PTH1R: variants seen among roughly 807,000 people sequenced by gnomAD.
The protein encoded by PTH1R is parathyroid hormone 1 receptor, also known as parathyroid hormone/parathyroid hormone-related peptide receptor.
In PTH1R, 32 loss-of-function variants were observed where a neutral mutation model predicts 70.7. That is an observed-to-expected ratio of 0.45 (90% confidence interval 0.34 to 0.61). PTH1R has a LOEUF of 0.61. Among genes scored for constraint, PTH1R ranks in the 20% least tolerant of loss-of-function variants. The pLI, the probability that PTH1R is intolerant of heterozygous loss-of-function variation, is 0.01. For synonymous variants in PTH1R, 329 were observed against 324.8 expected (o/e 1.01, Z -0.14); for missense variants, 626 against 792.5 (o/e 0.79, Z 2.52).
rs1446053756 is a variant in PTH1R at position 46,896,351 on chromosome 3, T to C, written c.313+482T>C. On this transcript the variant is annotated intron_variant, in intron 5 of 15. Coordinates refer to ENST00000449590, the MANE Select transcript of PTH1R (RefSeq NM_000316.3). This position sits in a 1 kb window ranked among gnomAD's most constrained non-coding sequence, Gnocchi z 4.1. ...GAGGTACATGGGGACACATAGTGGA[T>C]AGGGCCACAGAAATAGAGAAGGAGA... Among the ~76,000 whole-genome samples, 2 of 151,576 alleles carry C rather than the reference T, an allele frequency of 1.3e-5. No homozygotes were observed. Among genetic ancestry groups the C allele is most frequent in the Non-Finnish European group, 2.9e-5 (2 of 67,884 alleles).
rs186994693 is a variant in PTH1R at position 46,888,340 on chromosome 3, C to T, written c.75+4706C>T. On this transcript the variant is annotated intron_variant, in intron 3 of 15. Transcript: ENST00000449590. ...AACACATTCACCTCAGCTCTTGAAA[C>T]GGCTTATGGACAGAGCAGCAGGAGG... Among the ~76,000 whole-genome samples the T allele has an allele frequency of 1.4e-4, 21 of 152,344 alleles. No individual in the cohort carries two copies. The East Asian group carries it at 1.5e-3, about 11-fold the overall frequency.
intron 3 of PTH1R, among the ~76,000 whole-genome samples, chr3:46,889,815 T>C (rs2031288866): frequency 1.3e-5 from 2 of 152,044 alleles, no homozygotes; most frequent in Non-Finnish European, 2.9e-5. Flanking sequence ...AGTCCCTCAG[T>C]CCTCACCCCT....
chr3:46,878,030 G>C (rs1282969316), intron 1 of PTH1R, among the ~76,000 whole-genome samples, 187 bp downstream of exon 1: 1 of 152,228 alleles, frequency 6.6e-6, no homozygotes, highest in Non-Finnish European at 1.5e-5. Context: ...GAGGCCAGCA[G>C]GGACAGAAAG....
At chr3:46,887,239 G>GAA (rs11130107) in intron 3 of PTH1R, among the ~76,000 whole-genome samples, 110 of 147,976 alleles carry the variant, frequency 7.4e-4, no homozygotes, top group African/African-American at 2.5e-3. Flanking sequence ...CTGTAAAAAA[G>GAA]AAAAAAAAAA....
rs2030719805 is a variant in PTH1R at position 46,882,990 on chromosome 3, G to GC, written c.-48-517dup. ...GCACGCCCCGCGCGGCTCAGAACGC[G>GC]CCCCCTGCCCGGCCCTGACTCCCTA... On this transcript the variant is annotated intron_variant, in intron 2 of 15. Transcript: ENST00000449590. This position sits in a 1 kb window ranked among gnomAD's most constrained non-coding sequence, Gnocchi z 4.3. Among the ~76,000 whole-genome samples, 1 of 151,850 alleles carries GC rather than the reference G, an allele frequency of 6.6e-6. No homozygotes were observed. The highest frequency in any genetic ancestry group is 2.4e-5 in the African/African-American group (1 of 41,366).
At position 46,892,372 on chromosome 3, in the gene PTH1R, C is replaced by T. The variant is rs755982695; in HGVS notation, c.76-1535C>T. Among the ~76,000 whole-genome samples, 1 of 152,236 alleles carries T rather than the reference C, an allele frequency of 6.6e-6. No individual in the cohort carries two copies. Among genetic ancestry groups the T allele is most frequent in the Non-Finnish European group, 1.5e-5 (1 of 68,042 alleles). On this transcript the variant is annotated intron_variant, in intron 3 of 15. Transcript: ENST00000449590. The surrounding 1 kb of genome is among the most constrained non-coding windows in gnomAD (Gnocchi z 5.2). ...TGCATGCTCACAAACACGTCCGGCT[C>T]GCGTCCCATACTGACAGGCTGGACA...
chr3:46,896,190 C>A lies in PTH1R; in HGVS notation c.313+321C>A, dbSNP rs895992238. On this transcript the variant is annotated intron_variant, in intron 5 of 15. Coordinates refer to ENST00000449590, the MANE Select transcript of PTH1R (RefSeq NM_000316.3). This position sits in a 1 kb window ranked among gnomAD's most constrained non-coding sequence, Gnocchi z 4.1. Reference sequence around the variant, plus strand: ...GGACAGAGAGGCAGGGAGAGATACACAAAGACAGACAGATAGTGACAGAGA... The same window carrying A: ...GGACAGAGAGGCAGGGAGAGATACAAAAAGACAGACAGATAGTGACAGAGA... 9.1e-6 allele frequency among the ~76,000 whole-genome samples: 1 copy of A among 109,580 alleles called. No homozygotes were observed. The highest frequency in any genetic ancestry group is 2.7e-5 in the African/African-American group (1 of 37,332). 71.9% of individuals were successfully genotyped at this position (109,580 alleles called of 152,430 possible).
In PTH1R at chr3:46,901,276, C is replaced by T. The variant is rs1385390581; in HGVS notation, c.1050-138C>T. 3.9e-6 allele frequency: 5 copies of T among 1,277,714 alleles called. No individual in the cohort carries two copies. Among genetic ancestry groups the T allele is most frequent in the Non-Finnish European group, 5.5e-6 (5 of 904,628 alleles). 79.1% of individuals were successfully genotyped at this position (1,277,714 alleles called of 1,614,324 possible). The stretch of plus-strand genomic sequence containing the variant: ...CTTCCAAAGAGGCCTGTGAGGGAGG[C>T]CTCAGGCCTGGCCACACCCAGCACC... On this transcript the variant is annotated intron_variant, in intron 11 of 15. Coordinates refer to ENST00000449590, the MANE Select transcript of PTH1R (RefSeq NM_000316.3). The surrounding 1 kb of genome is among the most constrained non-coding windows in gnomAD (Gnocchi z 7.3).
chr3:46,897,733 A>C, intron 5 of PTH1R, 122 bp from the exon 6 acceptor site: 3 of 990,752 alleles, frequency 3.0e-6, no homozygotes, highest in Non-Finnish European at 4.6e-6. Context: ...CTCCGTCTCA[A>C]AAAAACAAAA....
rs1009143894 is a variant in PTH1R at position 46,884,569 on chromosome 3, C to T, written c.75+935C>T. ...TCCACAGCAACCCCATCCCCTGGGA[C>T]GAGCCCGTTCCTGGGGAGGCTGTCT... On this transcript the variant is annotated intron_variant, in intron 3 of 15. Coordinates refer to ENST00000449590, the MANE Select transcript of PTH1R (RefSeq NM_000316.3). This position sits in a 1 kb window ranked among gnomAD's most constrained non-coding sequence, Gnocchi z 4.8. Among the ~76,000 whole-genome samples, 1 of 152,156 alleles carries T rather than the reference C, an allele frequency of 6.6e-6. No homozygotes were observed. Among genetic ancestry groups the T allele is most frequent in the Non-Finnish European group, 1.5e-5 (1 of 68,020 alleles).
rs1159726036 is a variant in PTH1R, at chr3:46,882,618, C to A, written c.-48-894C>A. The stretch of plus-strand genomic sequence containing the variant: ...GGGGAGTCGCCAGCCCCGCGCCGCT[C>A]GGCTCGGTGGCTTTTTTGGAAACTT... On this transcript the variant is annotated intron_variant, in intron 2 of 15. Coordinates refer to ENST00000449590, the MANE Select transcript of PTH1R (RefSeq NM_000316.3). The surrounding 1 kb of genome is among the most constrained non-coding windows in gnomAD (Gnocchi z 4.3). 1.3e-5 allele frequency among the ~76,000 whole-genome samples: 2 copies of A among 151,734 alleles called. No individual in the cohort carries two copies. Among genetic ancestry groups the A allele is most frequent in the African/African-American group, 4.8e-5 (2 of 41,274 alleles).
At chr3:46,880,527 G>A (rs990668516) in intron 1 of PTH1R, among the ~76,000 whole-genome samples, 3 of 152,152 alleles carry the variant, frequency 2.0e-5, no homozygotes, top group Non-Finnish European at 4.4e-5. Context: ...ATCACTTGAG[G>A]TCAGGGGTTC....
rs374603810 is a variant in PTH1R, at chr3:46,902,001, C to T, written c.1211+141C>T. ...CAGCGTCTGACTCCCTGGCTGTCCT[C>T]ACCCACCTGGCCTGCCCAGCAGTGA... On this transcript the variant is annotated intron_variant, in intron 13 of 15. Transcript: ENST00000449590. This position sits in a 1 kb window ranked among gnomAD's most constrained non-coding sequence, Gnocchi z 5.4. 1.6e-4 allele frequency: 158 copies of T among 1,007,068 alleles called. 2 individuals are homozygous for T. The East Asian group carries it at 3.2e-3, about 20-fold the overall frequency. 62.4% of individuals were successfully genotyped at this position (1,007,068 alleles called of 1,614,324 possible).
Position 46,898,854 on chromosome 3 carries a change from C to A in PTH1R, c.831C>A (p.Gly277=), listed in dbSNP as rs1277455550. The change falls in exon 9 of 16, where the codon GGC becomes GGA. Residue 277 remains glycine, a synonymous_variant. Coordinates refer to ENST00000449590, the MANE Select transcript of PTH1R (RefSeq NM_000316.3). The part of the protein sequence containing the change: ...APPPPATAAA[G]YAGCRVAVTF... ...CGCCGCCTGCCACCGCCGCTGCCGG[C>A]TACGTGAGTACCCCTCTGCCCGCCC... 1 of 1,539,636 alleles carries A rather than the reference C, an allele frequency of 6.5e-7. No individual in the cohort carries two copies. The highest frequency in any genetic ancestry group is 8.7e-7 in the Non-Finnish European group (1 of 1,147,678).
At chr3:46,888,902 C>A (rs1373805400) in intron 3 of PTH1R, among the ~76,000 whole-genome samples, 1 of 152,258 alleles carries the variant, frequency 6.6e-6, no homozygotes, top group Non-Finnish European at 1.5e-5. Flanking sequence ...TGCCTCTTCC[C>A]CCCCAGCCCC....
Position 46,903,558 on chromosome 3 carries a change from G to A in PTH1R, c.1684G>A (p.Gly562Arg), listed in dbSNP as rs749330849. ...TGCCATGGCTGCTCCCAAGGACGAT[G>A]GGTTCCTCAACGGCTCCTGCTCAGG... The part of the protein sequence containing the change: ...PPAMAAPKDD[G>R]FLNGSCSGLD... Residue 562 changes from glycine to arginine, a missense_variant, in exon 16 of 16, where the codon GGG becomes AGG. Gly to Arg is a moderately radical substitution (Grantham distance 125). Coordinates refer to ENST00000449590, the MANE Select transcript of PTH1R (RefSeq NM_000316.3). This position sits in a 1 kb window ranked among gnomAD's most constrained non-coding sequence, Gnocchi z 4.4. 2 of 1,613,988 alleles carry A rather than the reference G, an allele frequency of 1.2e-6. No homozygotes were observed. The highest frequency in any genetic ancestry group is 3.3e-5 in the Admixed American group (2 of 60,026).
chr3:46,903,198 G>T lies in PTH1R; in HGVS notation c.1396-72G>T. 6.3e-7 allele frequency: 1 copy of T among 1,592,472 alleles called. No homozygotes were observed. Among genetic ancestry groups the T allele is most frequent in the African/African-American group, 1.3e-5 (1 of 74,356 alleles). On this transcript the variant is annotated intron_variant, in intron 15 of 15. Coordinates refer to ENST00000449590, the MANE Select transcript of PTH1R (RefSeq NM_000316.3). This position sits in a 1 kb window ranked among gnomAD's most constrained non-coding sequence, Gnocchi z 4.4. Reference sequence around the variant, plus strand: ...TTCCCATTTTCATTCCGTGCTGGGTGTCCAGGGGCCGGGATGGGGCATCGC... The same window carrying T: ...TTCCCATTTTCATTCCGTGCTGGGTTTCCAGGGGCCGGGATGGGGCATCGC...
chr3:46,900,124 T>C (rs1267547644), intron 10 of PTH1R, among the ~76,000 whole-genome samples: 1 of 152,130 alleles, frequency 6.6e-6, no homozygotes, highest in Admixed American at 6.5e-5. Flanking sequence ...GCCGGGTGGC[T>C]GGAGCCCTCT....
In PTH1R at chr3:46,902,520, GC is replaced by G; in HGVS notation, c.1212-3del. On this transcript the variant is annotated splice_polypyrimidine_tract_variant and splice_region_variant and intron_variant, in intron 13 of 15. Coordinates refer to ENST00000449590, the MANE Select transcript of PTH1R (RefSeq NM_000316.3). The surrounding 1 kb of genome is among the most constrained non-coding windows in gnomAD (Gnocchi z 5.4). ...TGGCCCTGACCTACCTGCCCCGCTG[GC>G]CCAGGAAGCTGCTCAAATCCACGCT... 1 of 1,610,154 alleles carries G rather than the reference GC, an allele frequency of 6.2e-7. No homozygotes were observed. Among genetic ancestry groups the G allele is most frequent in the Non-Finnish European group, 8.5e-7 (1 of 1,179,056 alleles).
Sources: allele counts gnomAD v4.1 joint callset (sites outside exome capture counted in the v4.1 genomes callset), GRCh38; gene constraint gnomAD v4.1.1; non-coding constraint Gnocchi (gnomAD v3.1); transcripts MANE v1.5; gene names NCBI Gene and HGNC (gene_info 2026-07-23, HGNC 2026-07-21).